The following FBXO25 variants were observed in gnomAD, a reference collection of about 807,000 sequenced individuals.
The protein encoded by FBXO25 is F-box only protein 25.
A neutral mutation model predicts 51.9 loss-of-function variants in FBXO25; 45 were observed. That is an observed-to-expected ratio of 0.87 (90% CI 0.68 to 1.11). FBXO25 has a LOEUF of 1.11. Among genes scored for constraint, FBXO25 ranks in the 50% most tolerant of loss-of-function variants. FBXO25 has a pLI of 0.00. For synonymous variants in FBXO25, 199 were observed against 151.0 expected (o/e 1.32, Z -2.33); for missense variants, 507 against 428.5 (o/e 1.18, Z -1.62).
intron 5 of FBXO25, among the ~76,000 whole-genome samples, chr8:444,202 A>G (rs533635003): frequency 3.2e-4 from 49 of 152,364 alleles, no homozygotes; most frequent in African/African-American, 1.2e-3. Flanking sequence ...AAGATTGAGC[A>G]AAGTTGATTT....
Position 473,092 on chromosome 8 carries a change from A to G in FBXO25, c.*4288A>G, listed in dbSNP as rs7812826. 9,336 of 152,466 alleles carry G rather than the reference A, an allele frequency of 0.061. 323 individuals are homozygous for G. The highest frequency in any genetic ancestry group is 0.082 in the Middle Eastern group (24 of 294). 9.4% of individuals were successfully genotyped at this position (152,466 alleles called of 1,614,324 possible). ...ACACCAGCATCCACCCTGCACTCAT[A>G]TGTATCTCAACAGAATTGCTGCTTC... On this transcript the variant is annotated 3_prime_UTR_variant, in exon 10 of 10. Coordinates refer to ENST00000350302, the MANE Select transcript of FBXO25 (RefSeq NM_183420.2).
chr8:466,592 C>T (rs1264995534), intron 9 of FBXO25, among the ~76,000 whole-genome samples: 1 of 152,162 alleles, frequency 6.6e-6, no homozygotes, highest in African/African-American at 2.4e-5. Flanking sequence ...GGGACTTGGT[C>T]ATGAGCCGAC....
intron 9 of FBXO25, among the ~76,000 whole-genome samples, chr8:467,473 G>T (rs2116856683): frequency 6.6e-6 from 1 of 152,312 alleles, no homozygotes; most frequent in Non-Finnish European, 1.5e-5. Context: ...TAAAGGTAGA[G>T]ATATGTTGTC....
At chr8:427,039 A>G (rs1168051328) in intron 2 of FBXO25, among the ~76,000 whole-genome samples, 2 of 152,090 alleles carry the variant, frequency 1.3e-5, no homozygotes, top group Non-Finnish European at 2.9e-5. Context: ...GTAGCTTTAT[A>G]TCAGGAAAAT....
chr8:439,336 G>A (rs932733665), intron 5 of FBXO25, among the ~76,000 whole-genome samples: 1 of 152,182 alleles, frequency 6.6e-6, no homozygotes, highest in South Asian at 2.1e-4. Flanking sequence ...CGGCGTGAAA[G>A]CTTCCTGAAA....
At chr8:432,629 A>G (rs928147514) in intron 3 of FBXO25, among the ~76,000 whole-genome samples, 69 of 152,342 alleles carry the variant, frequency 4.5e-4, no homozygotes, top group Non-Finnish European at 9.4e-4. Flanking sequence ...TTATGTCTTC[A>G]TATGGCTTCA....
chr8:464,193 A>G (rs1317102126), intron 9 of FBXO25, among the ~76,000 whole-genome samples: 3 of 152,168 alleles, frequency 2.0e-5, no homozygotes, highest in Admixed American at 6.5e-5. Context: ...AGCTCAAGCA[A>G]TATCTATGTG....
At chr8:429,306 G>C (rs1280972161) in intron 2 of FBXO25, among the ~76,000 whole-genome samples, 1 of 152,154 alleles carries the variant, frequency 6.6e-6, no homozygotes, top group Non-Finnish European at 1.5e-5. Context: ...GTGATATGGA[G>C]CATCTTTTCA....
intron 2 of FBXO25, among the ~76,000 whole-genome samples, chr8:430,806 G>C (rs1175196794): frequency 6.6e-6 from 1 of 152,150 alleles, no homozygotes; most frequent in Non-Finnish European, 1.5e-5. Context: ...TATTTAAATA[G>C]TAAAAATATA....
intron 8 of FBXO25, among the ~76,000 whole-genome samples, chr8:461,390 G>A (rs1799799230): frequency 6.6e-6 from 1 of 152,210 alleles, no homozygotes; most frequent in Admixed American, 6.5e-5. Context: ...CCTGGTGGAA[G>A]GCAAAGGAGG....
intron 7 of FBXO25, among the ~76,000 whole-genome samples, chr8:452,072 G>A (rs984866924): frequency 1.1e-4 from 17 of 152,172 alleles, no homozygotes; most frequent in African/African-American, 3.9e-4. Context: ...GCCTTACGTA[G>A]CCTTGGTGGT....
chr8:422,984 C>T (rs1482490039), intron 2 of FBXO25, among the ~76,000 whole-genome samples: 1 of 144,890 alleles, frequency 6.9e-6, no homozygotes, highest in East Asian at 1.9e-4. Context: ...AACTTATGCT[C>T]CATTTGGAAT....
chr8:416,537 G>C (rs1203955165), intron 2 of FBXO25, among the ~76,000 whole-genome samples: 1 of 152,160 alleles, frequency 6.6e-6, no homozygotes, highest in Admixed American at 6.5e-5. Flanking sequence ...AGAGTCATAG[G>C]GATTTTTGTT....
chr8:461,683 C>T (rs550011346), intron 8 of FBXO25, among the ~76,000 whole-genome samples: 1 of 152,212 alleles, frequency 6.6e-6, no homozygotes, highest in African/African-American at 2.4e-5. Context: ...CATTCCTAGC[C>T]CCAAGCAACC....
chr8:412,525 G>C (rs1279719868), intron 1 of FBXO25, among the ~76,000 whole-genome samples: 2 of 152,170 alleles, frequency 1.3e-5, no homozygotes, highest in South Asian at 2.1e-4. Context: ...CCACAAATCT[G>C]ATTGAATCAC....
chr8:434,007 T>G (rs1243914869), intron 4 of FBXO25, among the ~76,000 whole-genome samples: 1 of 152,218 alleles, frequency 6.6e-6, no homozygotes, highest in Admixed American at 6.5e-5. Context: ...GTTGCCATAC[T>G]GATTACAGAA....
intron 1 of FBXO25, among the ~76,000 whole-genome samples, chr8:410,056 C>T (rs1201638693): frequency 6.6e-6 from 1 of 152,156 alleles, no homozygotes; most frequent in Non-Finnish European, 1.5e-5. Flanking sequence ...CCTCTCCATT[C>T]ATTTAAGATC....
At chr8:423,876 C>A (rs557058993) in intron 2 of FBXO25, among the ~76,000 whole-genome samples, 1 of 152,290 alleles carries the variant, frequency 6.6e-6, no homozygotes, top group Admixed American at 6.5e-5. Context: ...TAGACCACTT[C>A]CCACAATGGC....
chr8:474,473 A>G lies in FBXO25; in HGVS notation c.*5669A>G, dbSNP rs529230022. 88 of 326,212 alleles carry G rather than the reference A, an allele frequency of 2.7e-4. No homozygotes were observed. Among genetic ancestry groups the G allele is most frequent in the South Asian group, 1.8e-3 (72 of 40,210 alleles). 20.2% of individuals were successfully genotyped at this position (326,212 alleles called of 1,614,324 possible). On this transcript the variant is annotated 3_prime_UTR_variant, in exon 10 of 10. Transcript: ENST00000350302. ...ATGTTTAATTTCTTAGGGCACTGCC[A>G]TAAGTGTTTTACACGGTGGCTGCAC...
Sources: allele counts gnomAD v4.1 joint callset (sites outside exome capture counted in the v4.1 genomes callset), GRCh38; gene constraint gnomAD v4.1.1; transcripts MANE v1.5; gene names NCBI Gene and HGNC (gene_info 2026-07-23, HGNC 2026-07-21).